SDK1: variants seen among roughly 807,000 people sequenced by gnomAD.
SDK1 encodes sidekick cell adhesion molecule 1.
Under a neutral mutation model 245.5 loss-of-function variants are expected in SDK1, and 157 were observed. The ratio of observed to expected loss-of-function variants is 0.64; its 90% CI spans 0.56 to 0.73. The LOEUF (loss-of-function observed/expected upper bound fraction) is 0.73. SDK1 is among the 30% of genes least tolerant of loss of function. The pLI is 0.00. For synonymous variants in SDK1, 1,647 were observed against 1,278.5 expected (o/e 1.29, Z -6.15); for missense variants, 3,583 against 3,002.3 (o/e 1.19, Z -4.52).
At chr7:4,207,375 G>A (rs1373609850) in intron 36 of SDK1, among the ~76,000 whole-genome samples, 2 of 152,142 alleles carry the variant, frequency 1.3e-5, no homozygotes, top group Non-Finnish European at 2.9e-5. Flanking sequence ...AGTGGTTTCC[G>A]GCCAGCTGTC....
intron 19 of SDK1, among the ~76,000 whole-genome samples, chr7:4,062,996 A>G (rs1779635211): frequency 6.6e-6 from 1 of 152,244 alleles, no homozygotes; most frequent in East Asian, 1.9e-4. Flanking sequence ...CACAGCTAAC[A>G]TCACACTGAA....
intron 5 of SDK1, among the ~76,000 whole-genome samples, chr7:3,866,587 G>A (rs1310441438): frequency 6.6e-6 from 1 of 152,172 alleles, no homozygotes; most frequent in African/African-American, 2.4e-5. Context: ...CTCCAGAACA[G>A]TGCATGCACG....
At chr7:3,340,128 A>G (rs1159214179) in intron 1 of SDK1, among the ~76,000 whole-genome samples, 2 of 151,998 alleles carry the variant, frequency 1.3e-5, no homozygotes, top group African/African-American at 4.8e-5. Flanking sequence ...TTTTTATTTT[A>G]GTTTTTCTCA....
intron 1 of SDK1, among the ~76,000 whole-genome samples, chr7:3,359,014 A>G (rs1368171846): frequency 6.6e-6 from 1 of 152,154 alleles, no homozygotes; most frequent in Admixed American, 6.5e-5. Context: ...TCCGGGAGTT[A>G]TGCTGGTTTC....
intron 1 of SDK1, among the ~76,000 whole-genome samples, chr7:3,414,578 T>C (rs538334952): frequency 6.6e-6 from 1 of 152,328 alleles, no homozygotes; most frequent in South Asian, 2.1e-4. Flanking sequence ...CCTTATGTTT[T>C]TGTGAAACTT....
chr7:3,802,706 C>G (rs1013314123), intron 4 of SDK1, among the ~76,000 whole-genome samples: 2 of 152,170 alleles, frequency 1.3e-5, no homozygotes, highest in East Asian at 3.9e-4. Flanking sequence ...GTGGACCCTA[C>G]ATTAGGTGAC....
chr7:3,584,454 A>G (rs1351227459), intron 1 of SDK1, among the ~76,000 whole-genome samples: 1 of 152,118 alleles, frequency 6.6e-6, no homozygotes, highest in Non-Finnish European at 1.5e-5. Context: ...TGCTGCAAAC[A>G]GGGTTGCTAA....
At chr7:3,964,168 A>G (rs1781917345) in intron 9 of SDK1, among the ~76,000 whole-genome samples, 1 of 152,238 alleles carries the variant, frequency 6.6e-6, no homozygotes, top group African/African-American at 2.4e-5. Context: ...CCCCTGAGGT[A>G]AACAGAAGGG....
chr7:3,488,327 G>A (rs531189444), intron 1 of SDK1, among the ~76,000 whole-genome samples: 14 of 151,820 alleles, frequency 9.2e-5, no homozygotes, highest in East Asian at 1.9e-4. Context: ...GATATGCAGC[G>A]TCCTTACTGT....
chr7:3,302,489 T>A (rs1304605376), intron 1 of SDK1: 1 of 152,186 alleles, frequency 6.6e-6, no homozygotes, highest in Non-Finnish European at 1.5e-5. Context: ...GGCTTCTGTT[T>A]AGAATACAGT....
intron 16 of SDK1, 36 bp downstream of exon 16, chr7:4,012,271 AT>A: frequency 6.9e-7 from 1 of 1,442,474 alleles, no homozygotes; most frequent in Non-Finnish European, 9.1e-7. Flanking sequence ...TTAGGCCGCC[AT>A]TAGAGTTGAG....
chr7:3,739,405 C>T (rs1779412912), intron 4 of SDK1, among the ~76,000 whole-genome samples: 1 of 151,998 alleles, frequency 6.6e-6, no homozygotes, highest in African/African-American at 2.4e-5. Flanking sequence ...CTTTCCCTTC[C>T]ATCTTCTATT....
chr7:3,354,061 C>T (rs1291543149), intron 1 of SDK1, among the ~76,000 whole-genome samples: 2 of 150,662 alleles, frequency 1.3e-5, no homozygotes, highest in African/African-American at 2.4e-5. Flanking sequence ...GGCGAGATCT[C>T]GGCTCGCTGC....
chr7:4,009,244 G>A (rs1239105276), intron 14 of SDK1, among the ~76,000 whole-genome samples: 1 of 152,208 alleles, frequency 6.6e-6, no homozygotes, highest in Admixed American at 6.5e-5. Context: ...CTACATACCA[G>A]TTCTCTTCAG....
chr7:3,550,034 A>T (rs1779349295), intron 1 of SDK1, among the ~76,000 whole-genome samples: 1 of 152,194 alleles, frequency 6.6e-6, no homozygotes, highest in Non-Finnish European at 1.5e-5. Flanking sequence ...CAGTTATCAA[A>T]ATAATGATAT....
At chr7:3,937,741 A>C (rs1461044597) in intron 5 of SDK1, among the ~76,000 whole-genome samples, 2 of 152,102 alleles carry the variant, frequency 1.3e-5, no homozygotes, top group African/African-American at 4.8e-5. Flanking sequence ...GCAGGTTCCC[A>C]TTGTCCGTGT....
intron 4 of SDK1, among the ~76,000 whole-genome samples, chr7:3,779,030 G>A (rs1448567629): frequency 6.6e-6 from 1 of 152,172 alleles, no homozygotes; most frequent in African/African-American, 2.4e-5. Flanking sequence ...GAATGCCTTA[G>A]AGTAAAATGA....
At chr7:3,818,067 G>T (rs1024982436) in intron 4 of SDK1, among the ~76,000 whole-genome samples, 1 of 152,136 alleles carries the variant, frequency 6.6e-6, no homozygotes, top group Non-Finnish European at 1.5e-5. Flanking sequence ...CATCCATATT[G>T]TACTCAGTTA....
At chr7:3,565,222 C>G (rs1045063102) in intron 1 of SDK1, among the ~76,000 whole-genome samples, 2 of 152,022 alleles carry the variant, frequency 1.3e-5, no homozygotes, top group South Asian at 2.1e-4. Context: ...GGAAAATGGC[C>G]TCTACTTCAC....
Sources: allele counts gnomAD v4.1 joint callset (sites outside exome capture counted in the v4.1 genomes callset), GRCh38; gene constraint gnomAD v4.1.1; transcripts MANE v1.5; gene names NCBI Gene and HGNC (gene_info 2026-07-23, HGNC 2026-07-21).